The following MGAM2 variants were observed in gnomAD, a reference collection of about 807,000 sequenced individuals.
The protein encoded by MGAM2 is maltase-glucoamylase 2 (putative), also known as probable maltase-glucoamylase 2.
In MGAM2, 98 loss-of-function variants were observed where a neutral mutation model predicts 96.1. The observed-to-expected ratio is 1.02, with a 90% CI of 0.87 to 1.21. The LOEUF is 1.21. MGAM2 is among the 50% of genes most tolerant of loss of function. The pLI, the probability that MGAM2 is intolerant of heterozygous loss-of-function variation, is 0.00. For synonymous variants in MGAM2, 749 were observed against 414.8 expected, an observed-to-expected ratio of 1.81 and a Z score of -9.79; for missense variants, 2,055 against 1,182.4, an observed-to-expected ratio of 1.74 and a Z score of -10.82.
At chr7:142,203,658 C>T (rs547280753) in intron 45 of MGAM2, among the ~76,000 whole-genome samples, 1 of 152,024 alleles carries the variant, frequency 6.6e-6, no homozygotes, top group East Asian at 1.9e-4. Context: ...AGACACATAG[C>T]AATAGAACAG....
chr7:142,159,037 T>A (rs557686633), intron 19 of MGAM2, among the ~76,000 whole-genome samples: 1 of 152,250 alleles, frequency 6.6e-6, no homozygotes, highest in African/African-American at 2.4e-5. Flanking sequence ...TGTGACTAAC[T>A]CAGTGAATGG....
At chr7:142,126,689 A>G (rs1794742466) in intron 3 of MGAM2, among the ~76,000 whole-genome samples, 1 of 152,136 alleles carries the variant, frequency 6.6e-6, no homozygotes, top group East Asian at 1.9e-4. Flanking sequence ...CATTCTTTAT[A>G]TCTGTTGTCA....
At chr7:142,181,886 A>G (rs1416313182) in intron 32 of MGAM2, among the ~76,000 whole-genome samples, 1 of 152,180 alleles carries the variant, frequency 6.6e-6, no homozygotes, top group Non-Finnish European at 1.5e-5. Flanking sequence ...CTCTCCCCCA[A>G]CTGAGTCTCC....
In MGAM2 at chr7:142,196,721, T is replaced by A; in HGVS notation, c.4537T>A (p.Phe1513Ile). 1.3e-6 allele frequency: 1 copy of A among 789,922 alleles called. No individual in the cohort carries two copies. The highest frequency in any genetic ancestry group is 2.3e-6 in the Non-Finnish European group (1 of 426,588). 48.9% of individuals were successfully genotyped at this position (789,922 alleles called of 1,614,324 possible). Residue 1513 changes from phenylalanine (F) to isoleucine (I), a missense_variant, in exon 40 of 48, where the codon TTC becomes ATC. Coordinates refer to ENST00000477922, the MANE Select transcript of MGAM2 (RefSeq NM_001293626.2). ...IPYTGADICGFFGDAEYEMCV... is the reference protein window; with the variant it reads ...IPYTGADICGIFGDAEYEMCV... The stretch of plus-strand genomic sequence containing the variant: ...TCAGACAGGAGCAGATATCTGTGGG[T>A]TCTTTGGAGATGCTGAATATGAGAT...
intron 17 of MGAM2, among the ~76,000 whole-genome samples, chr7:142,155,958 C>T (rs2129085026): frequency 6.6e-6 from 1 of 152,240 alleles, no homozygotes; most frequent in African/African-American, 2.4e-5. Context: ...CCAGCCTGAC[C>T]AACATGGAGA....
intron 7 of MGAM2, among the ~76,000 whole-genome samples, chr7:142,134,792 AT>A (rs1299397381): frequency 6.6e-6 from 1 of 151,658 alleles, no homozygotes; most frequent in Non-Finnish European, 1.5e-5. Flanking sequence ...AAAAAAAAAA[AT>A]CTAGCACTGG....
intron 37 of MGAM2, among the ~76,000 whole-genome samples, chr7:142,190,267 C>CTT (rs58228482): frequency 7.6e-4 from 79 of 104,208 alleles, no homozygotes; most frequent in East Asian, 1.4e-3. Context: ...TACCATTTTA[C>CTT]TTTTTTTTTT....
chr7:142,175,067 C>T (rs1232706055), intron 31 of MGAM2, among the ~76,000 whole-genome samples: 1 of 152,066 alleles, frequency 6.6e-6, no homozygotes, highest in Non-Finnish European at 1.5e-5. Context: ...ACTTCCAATA[C>T]TACATTGAAT....
At chr7:142,131,283 C>A (rs897753903) in intron 4 of MGAM2, among the ~76,000 whole-genome samples, 3 of 152,010 alleles carry the variant, frequency 2.0e-5, no homozygotes, top group Non-Finnish European at 1.5e-5. Flanking sequence ...ACTAAAAATA[C>A]AAAAATTAGC....
At position 142,219,879 on chromosome 7, in the gene MGAM2, A is replaced by G. The variant is rs1262561493; in HGVS notation, c.5368A>G (p.Ile1790Val). The G allele has an allele frequency of 2.9e-6, 2 of 700,260 alleles. No individual in the cohort carries two copies. The highest frequency in any genetic ancestry group is 3.0e-5 in the South Asian group (2 of 67,190). 43.4% of individuals were successfully genotyped at this position (700,260 alleles called of 1,614,324 possible). A position where few individuals can be genotyped will look rare whatever the true frequency, so the allele number is the denominator to read the frequency against. The change falls in exon 48 of 48, where the codon ATT becomes GTT. Residue 1790 changes from isoleucine to valine, a missense_variant. Ile to Val is a conservative substitution (Grantham distance 29). Transcript: ENST00000477922. ...KSEPYNQILTIQLTDKTINLE... is the reference protein window; with the variant it reads ...KSEPYNQILTVQLTDKTINLE... ...TCTTCTTTTCTGGCAGATACTAACTATTCAATTGACTGACAAGACTATCAA... is the reference window on the plus strand; with the variant it reads ...TCTTCTTTTCTGGCAGATACTAACTGTTCAATTGACTGACAAGACTATCAA...
intron 32 of MGAM2, among the ~76,000 whole-genome samples, chr7:142,181,890 AGT>A (rs1346722609): frequency 1.3e-5 from 2 of 152,076 alleles, no homozygotes; most frequent in Admixed American, 6.5e-5. Context: ...CCCCCAACTG[AGT>A]CTCCTTCCAA....
intron 26 of MGAM2, among the ~76,000 whole-genome samples, chr7:142,169,058 G>T (rs1796113537): frequency 6.6e-6 from 1 of 152,166 alleles, no homozygotes; most frequent in African/African-American, 2.4e-5. Flanking sequence ...GGGGCCTGAG[G>T]TTCTGCGTTC....
chr7:142,134,847 T>A (rs1466243194), intron 7 of MGAM2, among the ~76,000 whole-genome samples: 1 of 149,822 alleles, frequency 6.7e-6, no homozygotes, highest in East Asian at 2.0e-4. Flanking sequence ...ACTGAAAAAA[T>A]GAAATAAAAA....
At chr7:142,166,361 CG>C in intron 25 of MGAM2, 108 bp downstream of exon 25, 1 of 561,032 alleles carries the variant, frequency 1.8e-6, no homozygotes, top group South Asian at 2.5e-5. Context: ...CTGTGCAACA[CG>C]CCTTTTGCCA....
chr7:142,121,484 G>A (rs1441017429), intron 3 of MGAM2, among the ~76,000 whole-genome samples: 2 of 151,888 alleles, frequency 1.3e-5, no homozygotes, highest in African/African-American at 4.8e-5. Flanking sequence ...GCCCATATAT[G>A]CATATATTTA....
chr7:142,211,210 T>C (rs1797573049), intron 46 of MGAM2, among the ~76,000 whole-genome samples: 1 of 151,962 alleles, frequency 6.6e-6, no homozygotes, highest in Admixed American at 6.5e-5. Context: ...AGACCAAAGG[T>C]AGATAAATCC....
rs191972682 is a variant in MGAM2 at position 142,199,526 on chromosome 7, T to A, written c.5049-354T>A. 2.0e-4 allele frequency among the ~76,000 whole-genome samples: 30 copies of A among 152,186 alleles called. No homozygotes were observed. The East Asian group carries it at 5.4e-3, about 27-fold the overall frequency. On this transcript the variant is annotated intron_variant, in intron 44 of 47. Coordinates refer to ENST00000477922, the MANE Select transcript of MGAM2 (RefSeq NM_001293626.2). ...CAGGTTAGGATCAGATCCTGGAGGG[T>A]GGTGAATGCCAAGCCACTACTTTGG...
intron 26 of MGAM2, among the ~76,000 whole-genome samples, chr7:142,168,203 C>G (rs1796084232): frequency 6.6e-6 from 1 of 152,000 alleles, no homozygotes; most frequent in South Asian, 2.1e-4. Context: ...GATTTCTTGC[C>G]CTCACCCCTA....
chr7:142,165,948 G>T lies in MGAM2; in HGVS notation c.2653-150G>T, dbSNP rs992960738. 13 of 549,352 alleles carry T rather than the reference G, an allele frequency of 2.4e-5. No homozygotes were observed. The Admixed American group carries it at 4.3e-4, about 18-fold the overall frequency. The allele number at this position is 549,352 out of a possible 1,614,324, so 34.0% of individuals were successfully genotyped here. On this transcript the variant is annotated intron_variant, in intron 24 of 47. Transcript: ENST00000477922. Reference sequence around the variant, plus strand: ...GACTCCATGAAGTGAGAAAACCCAGGAATCAGCCAAGTTCTGAATATCTCA... The same window carrying T: ...GACTCCATGAAGTGAGAAAACCCAGTAATCAGCCAAGTTCTGAATATCTCA...
Sources: allele counts gnomAD v4.1 joint callset (sites outside exome capture counted in the v4.1 genomes callset), GRCh38; gene constraint gnomAD v4.1.1; transcripts MANE v1.5; gene names NCBI Gene and HGNC (gene_info 2026-07-23, HGNC 2026-07-21).